Variants in GNAO1 observed in about 807,000 individuals in gnomAD.
The protein encoded by GNAO1 is G protein subunit alpha o1.
For synonymous variants in GNAO1, 164 were observed against 180.7 expected (o/e 0.91, Z 0.74); for missense variants, 166 against 478.7 (o/e 0.35, Z 6.10).
At chr16:56,270,977 G>A (rs560473006) in intron 2 of GNAO1, 3 of 152,240 alleles carry the variant, frequency 2.0e-5, no homozygotes, top group East Asian at 3.9e-4. Flanking sequence ...GTGGAGCCTC[G>A]CTCCTGATTT....
intron 4 of GNAO1, among the ~76,000 whole-genome samples, chr16:56,333,571 C>G (rs530818882): frequency 1.3e-5 from 2 of 152,326 alleles, no homozygotes; most frequent in East Asian, 3.9e-4. Context: ...GGAAGCCACC[C>G]TTCTGTTTTC....
intron 2 of GNAO1, among the ~76,000 whole-genome samples, chr16:56,267,671 T>C (rs1259227765): frequency 6.6e-6 from 1 of 152,188 alleles, no homozygotes; most frequent in East Asian, 1.9e-4. Flanking sequence ...GGTCGTATTT[T>C]CCCCTTATTC....
At chr16:56,204,970 C>A (rs2036314193) in intron 2 of GNAO1, among the ~76,000 whole-genome samples, 1 of 152,166 alleles carries the variant, frequency 6.6e-6, no homozygotes, top group African/African-American at 2.4e-5. Context: ...AACAGATGTT[C>A]TTGTGGCAAA....
chr16:56,214,124 T>C (rs1321830285), intron 2 of GNAO1, among the ~76,000 whole-genome samples: 1 of 152,014 alleles, frequency 6.6e-6, no homozygotes, highest in Non-Finnish European at 1.5e-5. Flanking sequence ...GAAGACTCAG[T>C]TATTTCTGGT....
intron 3 of GNAO1, among the ~76,000 whole-genome samples, chr16:56,287,820 A>T (rs2037188401): frequency 6.6e-6 from 1 of 152,026 alleles, no homozygotes; most frequent in Non-Finnish European, 1.5e-5. Context: ...CTCAGGGCCC[A>T]GCATGGCCTG....
chr16:56,216,982 C>T (rs2036442141), intron 2 of GNAO1, among the ~76,000 whole-genome samples: 1 of 152,214 alleles, frequency 6.6e-6, no homozygotes, highest in Non-Finnish European at 1.5e-5. Context: ...TGGCTTAGGG[C>T]TCAGCTATGC....
intron 2 of GNAO1, among the ~76,000 whole-genome samples, chr16:56,206,985 G>T (rs1596796266): frequency 6.6e-6 from 1 of 152,228 alleles, no homozygotes; most frequent in Non-Finnish European, 1.5e-5. Context: ...AGTGTGGATA[G>T]AAACCATCTG....
chr16:56,292,441 A>G (rs1434907581), intron 3 of GNAO1, among the ~76,000 whole-genome samples: 5 of 152,238 alleles, frequency 3.3e-5, no homozygotes, highest in Middle Eastern at 3.4e-3. Context: ...GGCTCACTGC[A>G]ACCTCTGCCT....
chr16:56,301,142 C>T (rs2037339517), intron 3 of GNAO1: 1 of 152,234 alleles, frequency 6.6e-6, no homozygotes, highest in African/African-American at 2.4e-5. Context: ...CTGAAGTGGA[C>T]AGAGGATACC....
rs150517144 is a variant in GNAO1 at position 56,229,202 on chromosome 16, TTTTG to T, written c.161+36598_161+36601del. Among the ~76,000 whole-genome samples the T allele has an allele frequency of 9.8e-3, 1,497 of 152,214 alleles. 50 individuals carry two copies. The highest frequency in any genetic ancestry group is 0.07 in the South Asian group (335 of 4,802). The stretch of plus-strand genomic sequence containing the variant: ...GCCGACACCATTGCTGTTTTTGTTT[TTTTG>T]TTTGTTTGTTTTGAGATGGAGTCTC... On this transcript the variant is annotated intron_variant, in intron 2 of 8. Transcript: ENST00000262493.
At chr16:56,341,925 G>A (rs1271095282) in intron 6 of GNAO1, among the ~76,000 whole-genome samples, 1 of 152,230 alleles carries the variant, frequency 6.6e-6, no homozygotes, top group Non-Finnish European at 1.5e-5. Flanking sequence ...CAGAGCAGGG[G>A]CAGACAGAGT....
At chr16:56,215,197 T>G (rs755049471) in intron 2 of GNAO1, among the ~76,000 whole-genome samples, 1 of 152,262 alleles carries the variant, frequency 6.6e-6, no homozygotes, top group Non-Finnish European at 1.5e-5. Context: ...CTCTGGAAGC[T>G]GAACCACACT....
chr16:56,228,271 A>T (rs1387411000), intron 2 of GNAO1, among the ~76,000 whole-genome samples: 3 of 152,174 alleles, frequency 2.0e-5, no homozygotes, highest in Admixed American at 6.5e-5. Flanking sequence ...ATAGGCCGAG[A>T]CATACCCAGA....
At chr16:56,249,835 C>A (rs2036783517) in intron 2 of GNAO1, among the ~76,000 whole-genome samples, 1 of 152,142 alleles carries the variant, frequency 6.6e-6, no homozygotes, top group Admixed American at 6.5e-5. Context: ...ATTTTAGAAG[C>A]CCTGCTGGGA....
intron 2 of GNAO1, among the ~76,000 whole-genome samples, chr16:56,230,704 T>C (rs2036581812): frequency 6.6e-6 from 1 of 152,126 alleles, no homozygotes; most frequent in Admixed American, 6.5e-5. Flanking sequence ...TTCTCTAATA[T>C]AGGGGTCCAG....
chr16:56,258,643 TGTGGGGTG>T (rs2036875179), intron 2 of GNAO1, among the ~76,000 whole-genome samples: 2 of 152,242 alleles, frequency 1.3e-5, no homozygotes. Context: ...GCAGCTTCCC[TGTGGGGTG>T]GTGTCAGAAG....
intron 2 of GNAO1, among the ~76,000 whole-genome samples, chr16:56,269,122 G>C (rs2036988311): frequency 6.6e-6 from 1 of 152,174 alleles, no homozygotes; most frequent in South Asian, 2.1e-4. Context: ...CATATTTCAT[G>C]ACACGTTAAG....
chr16:56,336,703 G>A, intron 5 of GNAO1, 28 bp from the exon 6 acceptor site: 1 of 1,591,144 alleles, frequency 6.3e-7, no homozygotes, highest in Non-Finnish European at 8.5e-7. Flanking sequence ...CCTGGACCCT[G>A]CGCCTACCAG....
chr16:56,272,287 C>T (rs537020739), intron 2 of GNAO1, among the ~76,000 whole-genome samples: 44 of 151,414 alleles, frequency 2.9e-4, no homozygotes, highest in Non-Finnish European at 4.9e-4. Context: ...CCAGCCTGGG[C>T]GACAGACAGA....
Sources: allele counts gnomAD v4.1 joint callset (sites outside exome capture counted in the v4.1 genomes callset), GRCh38; gene constraint gnomAD v4.1.1; transcripts MANE v1.5; gene names NCBI Gene and HGNC (gene_info 2026-07-23, HGNC 2026-07-21).